PHF21A: variants seen among roughly 807,000 people sequenced by gnomAD.
PHF21A encodes PHD finger protein 21A.
PHF21A carries 11 observed loss-of-function variants against 82.5 expected under a neutral mutation model. The ratio of observed to expected loss-of-function variants is 0.13; its 90% CI spans 0.08 to 0.22. The LOEUF (loss-of-function observed/expected upper bound fraction) is 0.22. Ranked by LOEUF, PHF21A falls within the 10% of genes least tolerant of loss-of-function variation. The probability of loss-of-function intolerance (pLI) is 1.00; values close to 1 mark genes in which losing one functional copy is unlikely to be tolerated. For synonymous variants in PHF21A, 297 were observed against 302.8 expected (o/e 0.98, Z 0.20); for missense variants, 579 against 837.8 (o/e 0.69, Z 3.81).
At chr11:46,007,991 C>T (rs12801668) in intron 6 of PHF21A, among the ~76,000 whole-genome samples, 1 of 152,144 alleles carries the variant, frequency 6.6e-6, no homozygotes, top group Non-Finnish European at 1.5e-5. Context: ...GATTACCATG[C>T]TCCAGATAAG....
At chr11:45,947,343 C>A (rs1303697824) in intron 14 of PHF21A, among the ~76,000 whole-genome samples, 6 of 152,202 alleles carry the variant, frequency 3.9e-5, no homozygotes, top group Admixed American at 3.9e-4. Context: ...AGATACAAAA[C>A]TGCCTATAAG....
At chr11:45,979,224 G>T (rs1248681095) in intron 7 of PHF21A, among the ~76,000 whole-genome samples, 3 of 151,990 alleles carry the variant, frequency 2.0e-5, no homozygotes, top group African/African-American at 7.3e-5. Context: ...TCACCACGTT[G>T]GCCAGGCTGG....
chr11:45,978,083 C>T (rs933043775), intron 7 of PHF21A, among the ~76,000 whole-genome samples: 2 of 151,902 alleles, frequency 1.3e-5, no homozygotes, highest in Admixed American at 6.6e-5. Context: ...GGGCAGACCA[C>T]GAGGTCAGGA....
At chr11:45,972,973 G>A (rs962870222) in intron 7 of PHF21A, among the ~76,000 whole-genome samples, 2 of 152,156 alleles carry the variant, frequency 1.3e-5, no homozygotes, top group Non-Finnish European at 2.9e-5. Flanking sequence ...AGCTACTCGG[G>A]AGGCTGAGGC....
chr11:46,040,931 A>ACACG (rs1555134080), intron 6 of PHF21A, among the ~76,000 whole-genome samples: 9 of 113,678 alleles, frequency 7.9e-5, no homozygotes, highest in South Asian at 2.9e-4. Context: ...ACACACACAC[A>ACACG]CACGCACGCA....
intron 6 of PHF21A, among the ~76,000 whole-genome samples, chr11:46,047,399 A>C (rs1291044110): frequency 1.3e-5 from 2 of 152,082 alleles, no homozygotes; most frequent in African/African-American, 2.4e-5. Flanking sequence ...GGTATTTTAT[A>C]ATTTTTTTTT....
intron 3 of PHF21A, among the ~76,000 whole-genome samples, chr11:46,085,383 C>T (rs997852386): frequency 1.3e-5 from 2 of 152,120 alleles, no homozygotes; most frequent in Non-Finnish European, 2.9e-5. Context: ...GTTAATATGA[C>T]ACCCAGCTTG....
chr11:46,030,834 T>C (rs1451595872), intron 6 of PHF21A, among the ~76,000 whole-genome samples: 3 of 66,408 alleles, frequency 4.5e-5, no homozygotes, highest in Admixed American at 1.8e-4. Context: ...TGTGTGCGTG[T>C]GTGTGTGTGT....
At chr11:46,104,719 CCTCATTTTATTGT>C (rs933244597) in intron 1 of PHF21A, among the ~76,000 whole-genome samples, 6 of 152,132 alleles carry the variant, frequency 3.9e-5, no homozygotes, top group Non-Finnish European at 7.3e-5. Context: ...CTCAAGATTT[CCTCATTTTATTGT>C]CACATGAACC....
intron 6 of PHF21A, among the ~76,000 whole-genome samples, chr11:46,061,579 A>T (rs529628809): frequency 6.6e-6 from 1 of 152,150 alleles, no homozygotes; most frequent in African/African-American, 2.4e-5. Context: ...ATTCTTTCCC[A>T]TACTTTCCAA....
chr11:45,988,317 T>C (rs1428964652), intron 6 of PHF21A, among the ~76,000 whole-genome samples: 1 of 152,208 alleles, frequency 6.6e-6, no homozygotes, highest in Non-Finnish European at 1.5e-5. Flanking sequence ...AATCCTCAAC[T>C]CTGTAAGTTT....
chr11:46,046,651 T>C (rs2096262113), intron 6 of PHF21A, among the ~76,000 whole-genome samples: 2 of 152,180 alleles, frequency 1.3e-5, no homozygotes, highest in South Asian at 4.1e-4. Context: ...GGGTTGGTAA[T>C]GGTATGCCAC....
chr11:46,006,077 G>C (rs995314332), intron 6 of PHF21A, among the ~76,000 whole-genome samples: 2 of 152,122 alleles, frequency 1.3e-5, no homozygotes, highest in African/African-American at 4.8e-5. Flanking sequence ...AGACAAGAGA[G>C]AATTAAAGAA....
intron 4 of PHF21A, among the ~76,000 whole-genome samples, chr11:46,080,768 A>T (rs2959086): frequency 0.75 from 114,705 of 152,076 alleles, 45,631 homozygotes; most frequent in Non-Finnish European, 0.9. Context: ...CCTGGGCTTC[A>T]GCAATCTTCC....
At chr11:46,033,408 G>A (rs140815940) in intron 6 of PHF21A, among the ~76,000 whole-genome samples, 5,645 of 152,164 alleles carry the variant, frequency 0.037, 292 homozygotes, top group African/African-American at 0.11. Flanking sequence ...GGGACCACAG[G>A]TGTGCACCAC....
chr11:45,969,075 C>T (rs2093616791), intron 9 of PHF21A, among the ~76,000 whole-genome samples: 1 of 152,132 alleles, frequency 6.6e-6, no homozygotes, highest in African/African-American at 2.4e-5. Flanking sequence ...TCCTTCTCCC[C>T]AGAGGCTATT....
intron 15 of PHF21A, among the ~76,000 whole-genome samples, chr11:45,939,174 C>T (rs572720018): frequency 1.8e-3 from 268 of 152,234 alleles, no homozygotes; most frequent in Non-Finnish European, 3.0e-3. Flanking sequence ...GGTCTATAGT[C>T]GCCAAGGCCA....
chr11:46,042,634 G>A (rs1264333711), intron 6 of PHF21A, among the ~76,000 whole-genome samples: 1 of 152,024 alleles, frequency 6.6e-6, no homozygotes, highest in African/African-American at 2.4e-5. Context: ...CTCAAAATAC[G>A]TATGTTGAAA....
At chr11:46,030,545 C>G (rs1389856727) in intron 6 of PHF21A, among the ~76,000 whole-genome samples, 4 of 152,180 alleles carry the variant, frequency 2.6e-5, no homozygotes, top group African/African-American at 4.8e-5. Flanking sequence ...AAATAAGCTA[C>G]TTTTCATTAG....
Sources: gnomAD v4.1 joint callset for allele counts (sites outside exome capture counted in the v4.1 genomes callset) on GRCh38, gnomAD v4.1.1 for gene constraint, MANE v1.5 for transcripts, NCBI Gene and HGNC (gene_info 2026-07-23, HGNC 2026-07-21) for gene names.